The following KDM4C variants were observed in gnomAD, a reference collection of about 807,000 sequenced individuals.
KDM4C encodes the protein lysine demethylase 4C.
In KDM4C, 81 loss-of-function variants were observed where a neutral mutation model predicts 129.3. The ratio of observed to expected loss-of-function variants is 0.63; its 90% CI spans 0.52 to 0.75. KDM4C has a LOEUF of 0.75. Ranked by LOEUF, KDM4C falls within the 30% of genes least tolerant of loss-of-function variation. The pLI is 0.00. For synonymous variants in KDM4C, 573 were observed against 456.1 expected (o/e 1.26, Z -3.26); for missense variants, 1,457 against 1,304.0 (o/e 1.12, Z -1.81).
At chr9:6,807,636 C>G (rs1180221957) in intron 3 of KDM4C, among the ~76,000 whole-genome samples, 1 of 149,108 alleles carries the variant, frequency 6.7e-6, no homozygotes, top group Non-Finnish European at 1.5e-5. Flanking sequence ...TGAGGATACC[C>G]TCTGCCTGGC....
At chr9:6,872,469 T>A (rs1316338306) in intron 5 of KDM4C, among the ~76,000 whole-genome samples, 1 of 152,148 alleles carries the variant, frequency 6.6e-6, no homozygotes, top group Non-Finnish European at 1.5e-5. Flanking sequence ...AATAGTGGGG[T>A]GTTAAAGTCT....
chr9:7,123,895 G>T (rs1265427506), intron 18 of KDM4C, among the ~76,000 whole-genome samples: 3 of 152,174 alleles, frequency 2.0e-5, no homozygotes, highest in Admixed American at 6.5e-5. Context: ...ATCCTTGTCA[G>T]TGAGAAGTCA....
intron 3 of KDM4C, among the ~76,000 whole-genome samples, chr9:6,807,293 C>G (rs1284048882): frequency 6.6e-6 from 1 of 151,722 alleles, no homozygotes; most frequent in Non-Finnish European, 1.5e-5. Context: ...CAGCCTCTGC[C>G]CAGCCGCCAA....
At chr9:6,800,883 C>T (rs1258137936) in intron 2 of KDM4C, among the ~76,000 whole-genome samples, 1 of 152,222 alleles carries the variant, frequency 6.6e-6, no homozygotes, top group East Asian at 1.9e-4. Context: ...CAGCCTCGGC[C>T]TCCTGAAGTG....
intron 12 of KDM4C, among the ~76,000 whole-genome samples, chr9:7,009,052 T>G (rs879548012): frequency 6.6e-6 from 1 of 152,154 alleles, no homozygotes; most frequent in East Asian, 1.9e-4. Context: ...TAAAGAAATA[T>G]AGATTTACAA....
chr9:7,022,265 T>C (rs1346631448), intron 15 of KDM4C, among the ~76,000 whole-genome samples: 1 of 152,206 alleles, frequency 6.6e-6, no homozygotes, highest in East Asian at 1.9e-4. Flanking sequence ...TTCAACAGTA[T>C]TGATTCTTCC....
chr9:7,113,887 A>G (rs929181062), intron 18 of KDM4C, among the ~76,000 whole-genome samples: 1 of 152,056 alleles, frequency 6.6e-6, no homozygotes, highest in African/African-American at 2.4e-5. Flanking sequence ...ATTCAAAACA[A>G]TCTTGACTCC....
chr9:6,959,486 C>T (rs571757245), intron 8 of KDM4C, among the ~76,000 whole-genome samples: 1 of 152,298 alleles, frequency 6.6e-6, no homozygotes, highest in African/African-American at 2.4e-5. Context: ...TTGTCGTTAT[C>T]TTAGCATAGT....
At position 7,049,273 on chromosome 9, in the gene KDM4C, A is replaced by G. The variant is rs544064567; in HGVS notation, c.2424+73A>G. 135 of 720,918 alleles carry G rather than the reference A, an allele frequency of 1.9e-4. No homozygotes were observed. In the African/African-American group the frequency reaches 2.0e-3, roughly 11 times the overall value. The allele number at this position is 720,918 out of a possible 1,614,324, so 44.7% of individuals were successfully genotyped here. A position where few individuals can be genotyped will look rare whatever the true frequency, so the allele number is the denominator to read the frequency against. ...AAGTTCTGAATTTTTCCATTAATGC[A>G]CACATTCCCAAGGTATATTTTCTCC... On this transcript the variant is annotated intron_variant, in intron 17 of 21. Transcript: ENST00000381309.
At chr9:6,815,570 C>G (rs1831930440) in intron 4 of KDM4C, among the ~76,000 whole-genome samples, 1 of 152,088 alleles carries the variant, frequency 6.6e-6, no homozygotes, top group African/African-American at 2.4e-5. Flanking sequence ...TAGTGCAATA[C>G]ACACCTGGAT....
At chr9:7,034,355 C>T (rs1201028234) in intron 15 of KDM4C, among the ~76,000 whole-genome samples, 1 of 152,176 alleles carries the variant, frequency 6.6e-6, no homozygotes, top group Non-Finnish European at 1.5e-5. Context: ...CTCCCAATTC[C>T]TCCTTTCTGT....
intron 4 of KDM4C, among the ~76,000 whole-genome samples, chr9:6,819,824 G>C (rs148543456): frequency 1.3e-3 from 193 of 152,264 alleles, no homozygotes; most frequent in African/African-American, 4.5e-3. Context: ...TTTTGCTGTT[G>C]ACTGTCTTAT....
At chr9:7,016,709 AGCCACTGT>A (rs2132202012) in intron 15 of KDM4C, among the ~76,000 whole-genome samples, 1 of 152,238 alleles carries the variant, frequency 6.6e-6, no homozygotes, top group South Asian at 2.1e-4. Flanking sequence ...TACAGCCGTG[AGCCACTGT>A]GCCCGACTAT....
At chr9:7,140,070 A>C (rs1003966495) in intron 19 of KDM4C, among the ~76,000 whole-genome samples, 6 of 151,994 alleles carry the variant, frequency 3.9e-5, no homozygotes, top group African/African-American at 1.5e-4. Flanking sequence ...CCTTCTCGTC[A>C]CTCCTGAGAT....
rs539195078 is a variant in KDM4C at position 6,886,445 on chromosome 9, T to C, written c.680-1515T>C. Among the ~76,000 whole-genome samples, 3 of 151,708 alleles carry C rather than the reference T, an allele frequency of 2.0e-5. No individual in the cohort carries two copies. The South Asian group carries it at 6.3e-4, about 32-fold the overall frequency. ...CTCATGCCTTAGCCTCCTGAGCAGCTAGGACTACAGGCACGCACCACCATG... is the reference window on the plus strand; with the variant it reads ...CTCATGCCTTAGCCTCCTGAGCAGCCAGGACTACAGGCACGCACCACCATG... On this transcript the variant is annotated intron_variant, in intron 6 of 21. Coordinates refer to ENST00000381309, the MANE Select transcript of KDM4C (RefSeq NM_015061.6).
chr9:6,966,863 T>C (rs1831065629), intron 8 of KDM4C, among the ~76,000 whole-genome samples: 1 of 152,170 alleles, frequency 6.6e-6, no homozygotes, highest in South Asian at 2.1e-4. Context: ...GGGACAGAGC[T>C]ATCTTTATAA....
intron 8 of KDM4C, among the ~76,000 whole-genome samples, chr9:6,932,293 C>T (rs951087869): frequency 5.3e-5 from 8 of 152,132 alleles, no homozygotes; most frequent in East Asian, 1.9e-4. Context: ...GTGACCAAGC[C>T]GACTCTCCTG....
At chr9:6,942,038 CTCTTTTAAAAAGGGT>C (rs1363238950) in intron 8 of KDM4C, among the ~76,000 whole-genome samples, 1 of 152,038 alleles carries the variant, frequency 6.6e-6, no homozygotes, top group Non-Finnish European at 1.5e-5. Flanking sequence ...TTAAAAAGGG[CTCTTTTAAAAAGGGT>C]TCCAATATAA....
intron 18 of KDM4C, among the ~76,000 whole-genome samples, chr9:7,114,488 C>CT (rs1480467449): frequency 6.6e-6 from 1 of 152,150 alleles, no homozygotes; most frequent in Non-Finnish European, 1.5e-5. Context: ...ATTAGTAAAA[C>CT]TTAATAGCTT....
Sources: gnomAD v4.1 joint callset for allele counts (sites outside exome capture counted in the v4.1 genomes callset) on GRCh38, gnomAD v4.1.1 for gene constraint, MANE v1.5 for transcripts, NCBI Gene and HGNC (gene_info 2026-07-23, HGNC 2026-07-21) for gene names.